The following ZNF638 variants were observed in gnomAD, a reference collection of about 807,000 sequenced individuals.
ZNF638 encodes CTCL tumor antigen se33-1.
In ZNF638, 46 loss-of-function variants were observed where a neutral mutation model predicts 195.6. That is an observed-to-expected ratio of 0.24 (90% confidence interval 0.19 to 0.30). ZNF638 has a LOEUF of 0.30. Ranked by LOEUF, ZNF638 falls within the 10% of genes least tolerant of loss-of-function variation. The pLI is 1.00. For synonymous variants in ZNF638, 845 were observed against 772.0 expected, an observed-to-expected ratio of 1.09 and a Z score of -1.57; for missense variants, 2,440 against 2,325.3, an observed-to-expected ratio of 1.05 and a Z score of -1.01.
Position 71,358,865 on chromosome 2 carries a change from A to G in ZNF638, c.1379+3085A>G, listed in dbSNP as rs190928295. Among the ~76,000 whole-genome samples, 195 of 152,254 alleles carry G rather than the reference A, an allele frequency of 1.3e-3. 1 individual carries two copies. The highest frequency in any genetic ancestry group is 4.3e-3 in the African/African-American group (180 of 41,548). ...CACTCATAGTATTTCAAATTTTTGC[A>G]TTATTACTATACCTGTTAATGGCAA... On this transcript the variant is annotated intron_variant, in intron 3 of 27. Transcript: ENST00000264447.
rs1373099831 is a variant in ZNF638, at chr2:71,380,273, A to G, written c.2317A>G (p.Thr773Ala). The G allele has an allele frequency of 6.4e-7, 1 of 1,564,678 alleles. No homozygotes were observed. Among genetic ancestry groups the G allele is most frequent in the East Asian group, 2.3e-5 (1 of 43,556 alleles). ...TLESKKVSAS[T>A]LKRDADASKA... ...AGAGTCAAAGAAAGTATCTGCATCT[A>G]CCTTAAAGTAAGTGACTTTATGATT... The change falls in exon 9 of 28, where the codon ACC becomes GCC. Residue 773 changes from threonine to alanine, a missense_variant. Around this residue, in one of 5 missense-constraint regions of ZNF638, gnomAD observed 1,883 missense variants for 1,739.1 expected, o/e 1.08. Transcript: ENST00000264447.
chr2:71,346,954 G>T (rs1012543402), intron 1 of ZNF638, among the ~76,000 whole-genome samples: 1 of 152,004 alleles, frequency 6.6e-6, no homozygotes, highest in Admixed American at 6.6e-5. Context: ...AACCCAAGAG[G>T]TGGAGGTTGC....
At chr2:71,427,435 GTCTT>G in intron 24 of ZNF638, 21 bp downstream of exon 24, 3 of 1,496,668 alleles carry the variant, frequency 2.0e-6, no homozygotes, top group Non-Finnish European at 2.7e-6. Context: ...GGAAGGGGTA[GTCTT>G]TCTGTTTTAT....
chr2:71,399,318 C>G (rs1303660966), intron 12 of ZNF638, among the ~76,000 whole-genome samples: 2 of 152,122 alleles, frequency 1.3e-5, no homozygotes, highest in Non-Finnish European at 2.9e-5. Context: ...CAATGTTGGT[C>G]TGCCACATGA....
intron 8 of ZNF638, among the ~76,000 whole-genome samples, chr2:71,374,463 T>A (rs2079381517): frequency 6.6e-6 from 1 of 152,218 alleles, no homozygotes; most frequent in South Asian, 2.1e-4. Flanking sequence ...TTGGTTAATG[T>A]TTTTCCTCTT....
Position 71,355,700 on chromosome 2 carries a change from T to G in ZNF638, c.1318-19T>G, listed in dbSNP as rs777078028. ...ATGAGGAATATTCTAATTTCAACAC[T>G]TTTCTCCTTTTACAATAGGATTGGA... On this transcript the variant is annotated intron_variant, in intron 2 of 27. Transcript: ENST00000264447. 9.6e-5 allele frequency: 147 copies of G among 1,538,816 alleles called. No individual in the cohort carries two copies. Among genetic ancestry groups the G allele is most frequent in the African/African-American group, 4.2e-4 (30 of 72,244 alleles).
rs767554825 is a variant in ZNF638, at chr2:71,402,008, A to G, written c.2750A>G (p.Tyr917Cys). ...GTCTCTAATTTGCCTAATAAAGGAT[A>G]TTCTGTAGAAGAAGTTTATGACTTA... Reference protein sequence around the residue: ...MLVSNLPNKGYSVEEVYDLAK... With the variant: ...MLVSNLPNKGCSVEEVYDLAK... Residue 917 changes from tyrosine (Y) to cysteine (C), a missense_variant, in exon 16 of 28, where the codon TAT (tyrosine) becomes TGT (cysteine). Physicochemically the swap from Tyr to Cys is radical, Grantham distance 194. Coordinates refer to ENST00000264447, the MANE Select transcript of ZNF638 (RefSeq NM_014497.5). 6.2e-7 allele frequency: 1 copy of G among 1,607,016 alleles called. No homozygotes were observed.
intron 27 of ZNF638, chr2:71,433,505 C>A: frequency 6.5e-6 from 3 of 459,254 alleles, no homozygotes; most frequent in South Asian, 6.0e-5. Flanking sequence ...TTCTGCAGAT[C>A]ACTAGTCTCA....
At chr2:71,352,490 AAAAAT>A (rs2078958395) in intron 2 of ZNF638, among the ~76,000 whole-genome samples, 3 of 44,990 alleles carry the variant, frequency 6.7e-5, no homozygotes, top group Non-Finnish European at 8.7e-5. Flanking sequence ...AAAAAATAAA[AAAAAT>A]AAAAAAAAAA....
chr2:71,336,541 C>T (rs1389743298), intron 1 of ZNF638, among the ~76,000 whole-genome samples: 2 of 152,112 alleles, frequency 1.3e-5, no homozygotes, highest in African/African-American at 4.8e-5. Flanking sequence ...GAAAGAAACA[C>T]CTATTAAGCA....
At chr2:71,433,763 T>G (rs2080712777) in intron 27 of ZNF638, among the ~76,000 whole-genome samples, 1 of 152,238 alleles carries the variant, frequency 6.6e-6, no homozygotes, top group South Asian at 2.1e-4. Context: ...GCTGAATATT[T>G]GAGAGTTTCG....
chr2:71,395,486 C>G (rs144265536), intron 10 of ZNF638: 350 of 601,040 alleles, frequency 5.8e-4, no homozygotes, highest in African/African-American at 4.1e-3. Flanking sequence ...CTTACCCTGA[C>G]GCTAAGGGCA....
intron 11 of ZNF638, 82 bp from the exon 12 acceptor site, chr2:71,398,619 C>T: frequency 1.8e-6 from 2 of 1,098,546 alleles, no homozygotes; most frequent in Non-Finnish European, 1.4e-6. Flanking sequence ...ATTATTCTTA[C>T]ATCTTTTTCT....
chr2:71,387,430 G>A (rs190803234), intron 10 of ZNF638, among the ~76,000 whole-genome samples: 1 of 152,024 alleles, frequency 6.6e-6, no homozygotes, highest in Admixed American at 6.5e-5. Context: ...CAGCACTTTC[G>A]GAGGCCAAGG....
chr2:71,395,175 CCTCA>C, intron 10 of ZNF638: 1 of 715,102 alleles, frequency 1.4e-6, no homozygotes, highest in East Asian at 2.7e-5. Context: ...CTGGATAGAC[CCTCA>C]CTCCTTGATT....
intron 10 of ZNF638, 86 bp from the exon 11 acceptor site, chr2:71,396,055 C>G (rs778062125): frequency 3.9e-6 from 5 of 1,290,274 alleles, no homozygotes; most frequent in African/African-American, 2.9e-5. Context: ...AGGGTTCTTT[C>G]GAAATTATTG....
chr2:71,382,546 G>C (rs537833233), intron 10 of ZNF638, among the ~76,000 whole-genome samples: 1 of 152,266 alleles, frequency 6.6e-6, no homozygotes, highest in South Asian at 2.1e-4. Context: ...ATTTGATCAT[G>C]AATGGAAACA....
chr2:71,365,454 A>C lies in ZNF638; in HGVS notation c.1743A>C (p.Val581=), dbSNP rs1346325662. The C allele has an allele frequency of 4.4e-6, 7 of 1,608,884 alleles. No individual in the cohort carries two copies. Among genetic ancestry groups the C allele is most frequent in the Non-Finnish European group, 5.1e-6 (6 of 1,178,102 alleles). The change falls in exon 6 of 28, where the codon GTA becomes GTC. Residue 581 remains valine, a synonymous_variant. Coordinates refer to ENST00000264447, the MANE Select transcript of ZNF638 (RefSeq NM_014497.5). ...SSDRKKALED[V]VQRSGHGTEF... ...ATAGAAAAAAAGCATTAGAAGATGT[A>C]GTACAACGATCTGGGCATGGGACAG...
At chr2:71,338,772 G>A (rs2078714263) in intron 1 of ZNF638, among the ~76,000 whole-genome samples, 1 of 152,138 alleles carries the variant, frequency 6.6e-6, no homozygotes, top group South Asian at 2.1e-4. Flanking sequence ...TCAATGTATT[G>A]TGGTATGCAT....
Sources: allele counts gnomAD v4.1 joint callset (sites outside exome capture counted in the v4.1 genomes callset), GRCh38; gene constraint gnomAD v4.1.1; regional missense constraint gnomAD v4.1.1; transcripts MANE v1.5; gene names NCBI Gene and HGNC (gene_info 2026-07-23, HGNC 2026-07-21).